The following TRPM3 variants were observed in gnomAD, a reference collection of about 807,000 sequenced individuals.
TRPM3 encodes long transient receptor potential channel 3.
A neutral mutation model predicts 181.2 loss-of-function variants in TRPM3; 77 were observed. That is an observed-to-expected ratio of 0.42 (90% CI 0.35 to 0.51). The LOEUF (loss-of-function observed/expected upper bound fraction) is 0.51, where lower values mean the gene tolerates loss of function less well. Among genes scored for constraint, TRPM3 ranks in the 20% least tolerant of loss-of-function variants. TRPM3 has a pLI of 0.01. For synonymous variants in TRPM3, 745 were observed against 796.4 expected (o/e 0.94, Z 1.09); for missense variants, 1,759 against 2,196.7 (o/e 0.80, Z 3.98).
intron 8 of TRPM3, among the ~76,000 whole-genome samples, chr9:70,697,215 G>A (rs2070818494): frequency 6.6e-6 from 1 of 152,142 alleles, no homozygotes; most frequent in African/African-American, 2.4e-5. Flanking sequence ...TTTCTGATCT[G>A]ACAATGGAAA....
Position 70,738,994 on chromosome 9 carries a change from T to A in TRPM3, c.1272+22607A>T, listed in dbSNP as rs1439496165. On this transcript the variant is annotated intron_variant, in intron 8 of 25. Transcript: ENST00000677713. The stretch of plus-strand genomic sequence containing the variant: ...GATTGAAATGGTAATAAAAAAAAAA[T>A]TGCCAACCAAGAAAACTTCCAGGAC... Among the ~76,000 whole-genome samples the A allele has an allele frequency of 2.0e-5, 3 of 151,042 alleles. No homozygotes were observed. The East Asian group carries it at 5.8e-4, about 29-fold the overall frequency.
Position 70,539,500 on chromosome 9 carries a change from G to T in TRPM3, c.3708-2095C>A, listed in dbSNP as rs536481042. Among the ~76,000 whole-genome samples the T allele has an allele frequency of 1.6e-3, 222 of 139,578 alleles. 1 individual carries two copies. The highest frequency in any genetic ancestry group is 1.5e-3 in the Non-Finnish European group (98 of 65,118). 91.6% of individuals were successfully genotyped at this position (139,578 alleles called of 152,430 possible). ...TTTTTTTTTTTTTTTGCTCCCTCCT[G>T]CTGCCCCATAACCAACCCAATGCAT... On this transcript the variant is annotated intron_variant, in intron 25 of 25. Coordinates refer to ENST00000677713, the MANE Select transcript of TRPM3 (RefSeq NM_001366145.2).
intron 1 of TRPM3, among the ~76,000 whole-genome samples, chr9:71,285,992 T>C (rs1281559383): frequency 6.6e-6 from 1 of 152,046 alleles, no homozygotes; most frequent in Non-Finnish European, 1.5e-5. Context: ...CATTTTCTCC[T>C]ATTTTTATTT....
intron 1 of TRPM3, among the ~76,000 whole-genome samples, chr9:71,367,024 G>A (rs942933194): frequency 1.3e-5 from 2 of 152,138 alleles, no homozygotes; most frequent in African/African-American, 4.8e-5. Context: ...AACAATTACA[G>A]GAGGTTTTTG....
intron 8 of TRPM3, among the ~76,000 whole-genome samples, chr9:70,691,983 G>A (rs2068719308): frequency 6.6e-6 from 1 of 152,050 alleles, no homozygotes; most frequent in African/African-American, 2.4e-5. Flanking sequence ...TAAAATCCAT[G>A]GCTTTAGGCT....
chr9:70,758,289 A>T (rs1021187026), intron 8 of TRPM3, among the ~76,000 whole-genome samples: 1 of 152,112 alleles, frequency 6.6e-6, no homozygotes, highest in Non-Finnish European at 1.5e-5. Flanking sequence ...TGAAGGACCT[A>T]TTCAAGGAGA....
At chr9:71,155,922 G>C (rs1332223980) in intron 1 of TRPM3, among the ~76,000 whole-genome samples, 2 of 152,150 alleles carry the variant, frequency 1.3e-5, no homozygotes. Flanking sequence ...CCCAGGGAAA[G>C]TGTCAAGTAT....
chr9:71,034,087 G>A lies in TRPM3; in HGVS notation c.177+87091C>T, dbSNP rs143112728. The stretch of plus-strand genomic sequence containing the variant: ...CCACATAGACAGTGGCCCCAGCTGG[G>A]AATCAGTTTCCTTTTCTTGTCAATG... On this transcript the variant is annotated intron_variant, in intron 1 of 25. Coordinates refer to ENST00000677713, the MANE Select transcript of TRPM3 (RefSeq NM_001366145.2). 1.5e-3 allele frequency among the ~76,000 whole-genome samples: 221 copies of A among 152,270 alleles called. 4 individuals are homozygous for A. The Middle Eastern group carries it at 0.017, about 12-fold the overall frequency.
intron 4 of TRPM3, among the ~76,000 whole-genome samples, chr9:70,843,711 G>T (rs1334541637): frequency 2.0e-5 from 3 of 152,060 alleles, no homozygotes; most frequent in Non-Finnish European, 2.9e-5. Flanking sequence ...TTCCTCTTCT[G>T]TTAAAATGAC....
At chr9:70,702,059 G>T (rs1387047726) in intron 8 of TRPM3, among the ~76,000 whole-genome samples, 1 of 98,678 alleles carries the variant, frequency 1.0e-5, no homozygotes, top group East Asian at 2.8e-4. Context: ...TGAGGTCAGA[G>T]GTAGTATTCC....
intron 1 of TRPM3, among the ~76,000 whole-genome samples, chr9:71,021,522 G>A (rs747931507): frequency 9.2e-5 from 14 of 152,164 alleles, no homozygotes; most frequent in South Asian, 2.1e-4. Context: ...TACTTAGCAC[G>A]CTAGGGAAAT....
At chr9:71,130,527 T>C (rs1203760418) in intron 1 of TRPM3, among the ~76,000 whole-genome samples, 1 of 152,116 alleles carries the variant, frequency 6.6e-6, no homozygotes, top group African/African-American at 2.4e-5. Context: ...GTTCAGAGTA[T>C]TTAGGGAGAA....
chr9:71,104,256 G>A (rs576949194), intron 1 of TRPM3, among the ~76,000 whole-genome samples: 1 of 152,148 alleles, frequency 6.6e-6, no homozygotes, highest in African/African-American at 2.4e-5. Flanking sequence ...CTACTAATAT[G>A]GACACATTCC....
chr9:71,188,633 T>C (rs911874297), intron 1 of TRPM3, among the ~76,000 whole-genome samples: 3 of 151,828 alleles, frequency 2.0e-5, no homozygotes, highest in Non-Finnish European at 4.4e-5. Flanking sequence ...AAAGAGTTCA[T>C]GTCTCTCAAT....
chr9:71,093,739 A>G (rs1490873373), intron 1 of TRPM3, among the ~76,000 whole-genome samples: 1 of 152,208 alleles, frequency 6.6e-6, no homozygotes, highest in African/African-American at 2.4e-5. Context: ...ATTACTGGGT[A>G]TATACCCAAA....
intron 1 of TRPM3, among the ~76,000 whole-genome samples, chr9:70,961,878 T>C (rs1441211706): frequency 2.0e-5 from 3 of 152,152 alleles, no homozygotes; most frequent in Non-Finnish European, 4.4e-5. Flanking sequence ...AAGTAGACTC[T>C]CTTTTTAACT....
intron 3 of TRPM3, among the ~76,000 whole-genome samples, chr9:70,847,434 T>C (rs1436802913): frequency 6.6e-6 from 1 of 152,162 alleles, no homozygotes; most frequent in Non-Finnish European, 1.5e-5. Context: ...AAAAGAATTA[T>C]TGAGACTCCT....
intron 1 of TRPM3, among the ~76,000 whole-genome samples, chr9:71,339,097 A>G (rs544386980): frequency 6.6e-6 from 1 of 152,232 alleles, no homozygotes; most frequent in South Asian, 2.1e-4. Flanking sequence ...GACAAAACTC[A>G]ATCCACAATA....
intron 8 of TRPM3, among the ~76,000 whole-genome samples, chr9:70,696,611 G>T (rs1473370075): frequency 3.3e-5 from 5 of 152,232 alleles, no homozygotes; most frequent in Non-Finnish European, 5.9e-5. Context: ...TTGCTCTGTG[G>T]ATGTGTGCGC....
Sources: gnomAD v4.1 joint callset for allele counts (sites outside exome capture counted in the v4.1 genomes callset) on GRCh38, gnomAD v4.1.1 for gene constraint, MANE v1.5 for transcripts, NCBI Gene and HGNC (gene_info 2026-07-23, HGNC 2026-07-21) for gene names.